The following RPTOR variants were observed in gnomAD, a reference collection of about 807,000 sequenced individuals.
RPTOR encodes the protein regulatory-associated protein of mTOR.
In RPTOR, 21 loss-of-function variants were observed where a neutral mutation model predicts 169.9. The ratio of observed to expected loss-of-function variants is 0.12; its 90% CI spans 0.09 to 0.18. RPTOR has a LOEUF of 0.18. Ranked by LOEUF, RPTOR falls within the 10% of genes least tolerant of loss-of-function variation. The pLI is 1.00. For synonymous variants in RPTOR, 732 were observed against 753.2 expected, an observed-to-expected ratio of 0.97 and a Z score of 0.46; for missense variants, 1,133 against 1,855.9, an observed-to-expected ratio of 0.61 and a Z score of 7.16.
chr17:80,819,723 T>C (rs1355571750), intron 7 of RPTOR, among the ~76,000 whole-genome samples: 1 of 152,198 alleles, frequency 6.6e-6, no homozygotes, highest in Non-Finnish European at 1.5e-5. Context: ...GACAGACACA[T>C]CCAGCTGCCT....
chr17:80,896,229 C>T (rs954272733), intron 20 of RPTOR, among the ~76,000 whole-genome samples: 7 of 152,058 alleles, frequency 4.6e-5, no homozygotes, highest in Non-Finnish European at 7.4e-5. Flanking sequence ...CACCCCAGAC[C>T]CTTCATCAGA....
At chr17:80,889,561 T>A (rs1276239817) in intron 17 of RPTOR, among the ~76,000 whole-genome samples, 1 of 152,064 alleles carries the variant, frequency 6.6e-6, no homozygotes, top group Non-Finnish European at 1.5e-5. Flanking sequence ...CCAGCCAAGC[T>A]CATCTTGCAA....
intron 1 of RPTOR, among the ~76,000 whole-genome samples, chr17:80,573,447 A>G (rs796694677): frequency 6.6e-6 from 1 of 152,106 alleles, no homozygotes; most frequent in African/African-American, 2.4e-5. Flanking sequence ...GAATTAAGTT[A>G]TATGCTTTTC....
Position 80,625,726 on chromosome 17 carries a change from G to A in RPTOR, c.198G>A (p.Leu66=). ...KTVSVALVLC[L]NVGVDPPDVV... ...TCAGTGTTGCCTTAGTTTTGTGCCT[G>A]AATGTTGGTGTGGACCCTCCCGATG... Residue 66 remains leucine (L), a synonymous_variant, in exon 2 of 34, where the codon CTG becomes CTA. Coordinates refer to ENST00000306801, the MANE Select transcript of RPTOR (RefSeq NM_020761.3). 1.9e-6 allele frequency: 3 copies of A among 1,613,614 alleles called. No individual in the cohort carries two copies. Among genetic ancestry groups the A allele is most frequent in the Non-Finnish European group, 2.5e-6 (3 of 1,179,798 alleles).
rs1244115699 is a variant in RPTOR at position 80,754,071 on chromosome 17, A to G, written c.716A>G (p.Asn239Ser). The G allele has an allele frequency of 1.4e-5, 22 of 1,613,822 alleles. No individual in the cohort carries two copies. The highest frequency in any genetic ancestry group is 1.8e-5 in the Non-Finnish European group (21 of 1,179,964). ...ATGCCTTTGCCTCCGTCGATGAAAA[A>G]CTGCATCCAGCTGGCAGCCTGCGAG... ...AQMPLPPSMK[N>S]CIQLAACEAT... is the part of the protein sequence containing the mutation. Residue 239 changes from asparagine to serine, a missense_variant, in exon 6 of 34, where the codon AAC (asparagine) becomes AGC (serine). By Grantham distance (46) the Asn-to-Ser change is conservative. Transcript: ENST00000306801. The surrounding 1 kb of genome is among the most constrained non-coding windows in gnomAD (Gnocchi z 4.2).
chr17:80,948,363 C>T (rs918297936), intron 27 of RPTOR, among the ~76,000 whole-genome samples: 10 of 152,224 alleles, frequency 6.6e-5, no homozygotes, highest in Admixed American at 2.0e-4. Context: ...CAACCGATGT[C>T]GAAAGCCCGT....
At chr17:80,896,706 G>C (rs1963689691) in intron 20 of RPTOR, among the ~76,000 whole-genome samples, 1 of 152,340 alleles carries the variant, frequency 6.6e-6, no homozygotes, top group African/African-American at 2.4e-5. Flanking sequence ...TCACAGTCAG[G>C]CTTTCTGTGT....
At chr17:80,930,246 TCAGC>T (rs2068865981) in intron 24 of RPTOR, among the ~76,000 whole-genome samples, 1 of 126,690 alleles carries the variant, frequency 7.9e-6, no homozygotes, top group African/African-American at 3.0e-5. Flanking sequence ...CATCCTCAGC[TCAGC>T]TCATCCCCAG....
At chr17:80,899,985 A>G (rs1025998958) in intron 20 of RPTOR, among the ~76,000 whole-genome samples, 6 of 152,062 alleles carry the variant, frequency 3.9e-5, no homozygotes, top group African/African-American at 1.2e-4. Context: ...CAGTGCCCCC[A>G]CTGTGCATGC....
At chr17:80,771,157 C>G (rs34084890) in intron 6 of RPTOR, among the ~76,000 whole-genome samples, 1 of 152,322 alleles carries the variant, frequency 6.6e-6, no homozygotes, top group East Asian at 1.9e-4. Flanking sequence ...GGCTGCCTCT[C>G]TGAAGCTCCC....
intron 3 of RPTOR, among the ~76,000 whole-genome samples, chr17:80,647,321 C>G (rs942672692): frequency 6.6e-6 from 1 of 152,196 alleles, no homozygotes; most frequent in Non-Finnish European, 1.5e-5. Flanking sequence ...AAACCTCACT[C>G]ATTCCATCAT....
chr17:80,890,462 C>T (rs946646307), intron 17 of RPTOR, among the ~76,000 whole-genome samples: 20 of 147,564 alleles, frequency 1.4e-4, no homozygotes, highest in African/African-American at 3.5e-4. Flanking sequence ...CAGTTGGAGA[C>T]GAGCGCCAGA....
intron 1 of RPTOR, chr17:80,593,211 A>T (rs568063316): frequency 1.3e-5 from 2 of 153,808 alleles, no homozygotes; most frequent in South Asian, 4.1e-4. Flanking sequence ...TGCCAGTGAT[A>T]AAAATTGAGC....
chr17:80,800,661 C>T (rs765754846), intron 7 of RPTOR, among the ~76,000 whole-genome samples: 8 of 152,118 alleles, frequency 5.3e-5, no homozygotes, highest in Non-Finnish European at 1.0e-4. Flanking sequence ...ATTCTGAATC[C>T]TTTGAGAGAG....
chr17:80,965,182 G>A lies in RPTOR; in HGVS notation c.*852G>A, dbSNP rs1015512921. 53 of 233,204 alleles carry A rather than the reference G, an allele frequency of 2.3e-4. No individual in the cohort carries two copies. Among genetic ancestry groups the A allele is most frequent in the South Asian group, 5.4e-4 (3 of 5,536 alleles). 14.4% of individuals were successfully genotyped at this position (233,204 alleles called of 1,614,324 possible). On this transcript the variant is annotated 3_prime_UTR_variant, in exon 34 of 34. Transcript: ENST00000306801. ...CCCACAGGCGCGGGGACAGCAGCCCGACCTGTGGTCTCCATGCCTGTGCCC... is the reference window on the plus strand; with the variant it reads ...CCCACAGGCGCGGGGACAGCAGCCCAACCTGTGGTCTCCATGCCTGTGCCC...
intron 20 of RPTOR, among the ~76,000 whole-genome samples, chr17:80,896,339 GGCCGCGCCGACACCCCACACA>G (rs2068398622): frequency 4.6e-5 from 7 of 151,824 alleles, no homozygotes; most frequent in African/African-American, 1.7e-4. Context: ...TCCCATCCAC[GGCCGCGCCGACACCCCACACA>G]GCCGCCCCGA....
At chr17:80,711,336 CT>C (rs1323313988) in intron 4 of RPTOR, among the ~76,000 whole-genome samples, 1 of 151,930 alleles carries the variant, frequency 6.6e-6, no homozygotes, top group African/African-American at 2.4e-5. Context: ...GGATGAATAC[CT>C]TTATACTGTT....
At chr17:80,773,574 C>T (rs1356379787) in intron 6 of RPTOR, among the ~76,000 whole-genome samples, 6 of 152,202 alleles carry the variant, frequency 3.9e-5, no homozygotes, top group Non-Finnish European at 8.8e-5. Flanking sequence ...CCACTGGGGG[C>T]ATTTTTTACA....
chr17:80,612,212 C>G (rs2065276547), intron 1 of RPTOR, among the ~76,000 whole-genome samples: 1 of 152,170 alleles, frequency 6.6e-6, no homozygotes, highest in Non-Finnish European at 1.5e-5. Context: ...TCACTGTAAC[C>G]TCTAACTCTT....
Sources: gnomAD v4.1 joint callset for allele counts (sites outside exome capture counted in the v4.1 genomes callset) on GRCh38, gnomAD v4.1.1 for gene constraint, Gnocchi (gnomAD v3.1) non-coding constraint, MANE v1.5 for transcripts, NCBI Gene and HGNC (gene_info 2026-07-23, HGNC 2026-07-21) for gene names.